The following HS3ST4 variants were observed in gnomAD, a reference collection of about 807,000 sequenced individuals.
HS3ST4 encodes the protein heparan sulfate glucosamine 3-O-sulfotransferase 4.
Under a neutral mutation model 29.2 loss-of-function variants are expected in HS3ST4, and 17 were observed. The observed-to-expected ratio is 0.58, with a 90% CI of 0.40 to 0.87. HS3ST4 has a LOEUF of 0.87. Ranked by LOEUF, HS3ST4 falls within the 40% of genes least tolerant of loss-of-function variation. The pLI, the probability that HS3ST4 is intolerant of heterozygous loss-of-function variation, is 0.00. For synonymous variants in HS3ST4, 314 were observed against 285.7 expected (o/e 1.10, Z -1.00); for missense variants, 627 against 634.5 (o/e 0.99, Z 0.13).
At chr16:25,694,396 T>G (rs1299760669) in intron 1 of HS3ST4, among the ~76,000 whole-genome samples, 2 of 152,240 alleles carry the variant, frequency 1.3e-5, no homozygotes, top group Admixed American at 1.3e-4. Context: ...CTTTAAAAGC[T>G]TGAGAGAAGT....
intron 1 of HS3ST4, among the ~76,000 whole-genome samples, chr16:26,103,106 G>A (rs1324662184): frequency 1.3e-5 from 2 of 152,026 alleles, no homozygotes; most frequent in African/African-American, 2.4e-5. Flanking sequence ...AGGGAGCCTG[G>A]GAAATATAGT....
At chr16:25,879,940 T>G (rs1355786899) in intron 1 of HS3ST4, among the ~76,000 whole-genome samples, 1 of 152,070 alleles carries the variant, frequency 6.6e-6, no homozygotes, top group Non-Finnish European at 1.5e-5. Flanking sequence ...TCAGATCTTG[T>G]GAGACTTATT....
chr16:26,113,470 ATG>A (rs55722050), intron 1 of HS3ST4, among the ~76,000 whole-genome samples: 9,979 of 131,894 alleles, frequency 0.076, 368 homozygotes, highest in Middle Eastern at 0.13. Flanking sequence ...ACAATATATG[ATG>A]TGTGTGTGTG....
rs529059214 is a variant in HS3ST4, at chr16:25,878,502, T to G, written c.734+185351T>G. ...TCTCACCTCCATTGCTCTAGAATTC[T>G]ACTTCAACTAACACAACCAAAAATG... On this transcript the variant is annotated intron_variant, in intron 1 of 1. Transcript: ENST00000331351. Among the ~76,000 whole-genome samples the G allele has an allele frequency of 2.6e-5, 4 of 152,282 alleles. No individual in the cohort carries two copies. In the South Asian group the frequency reaches 8.3e-4, roughly 32 times the overall value.
intron 1 of HS3ST4, among the ~76,000 whole-genome samples, chr16:25,904,135 GAT>G (rs1968152988): frequency 1.7e-5 from 2 of 120,040 alleles, no homozygotes; most frequent in Non-Finnish European, 3.5e-5. Context: ...TGGATGGATG[GAT>G]GGATGGATGG....
chr16:25,875,376 C>T (rs1461686767), intron 1 of HS3ST4, among the ~76,000 whole-genome samples: 1 of 152,108 alleles, frequency 6.6e-6, no homozygotes, highest in Non-Finnish European at 1.5e-5. Flanking sequence ...GCCAAACAGT[C>T]TATTCATGTC....
intron 1 of HS3ST4, among the ~76,000 whole-genome samples, chr16:25,722,216 C>T (rs117806948): frequency 6.6e-6 from 1 of 152,256 alleles, no homozygotes; most frequent in Non-Finnish European, 1.5e-5. Context: ...CCTTGTGTAC[C>T]TTACAGTGCA....
At chr16:25,730,763 T>C (rs146179509) in intron 1 of HS3ST4, among the ~76,000 whole-genome samples, 3 of 151,608 alleles carry the variant, frequency 2.0e-5, no homozygotes, top group African/African-American at 7.3e-5. Flanking sequence ...TTTTCCTCTT[T>C]TCCTCCGTTC....
chr16:25,794,631 T>A (rs1291162348), intron 1 of HS3ST4, among the ~76,000 whole-genome samples: 4 of 152,134 alleles, frequency 2.6e-5, no homozygotes. Context: ...GTTAATCTTT[T>A]TCCCCTGGAT....
chr16:26,040,032 A>G (rs531538613), intron 1 of HS3ST4, among the ~76,000 whole-genome samples: 1 of 152,352 alleles, frequency 6.6e-6, no homozygotes, highest in East Asian at 1.9e-4. Context: ...AAGAGTACAG[A>G]TTTTAATCTA....
At chr16:25,959,303 T>C (rs192595233) in intron 1 of HS3ST4, among the ~76,000 whole-genome samples, 2 of 152,324 alleles carry the variant, frequency 1.3e-5, no homozygotes, top group African/African-American at 2.4e-5. Flanking sequence ...AAAAGCCTTA[T>C]GAGTCTAATG....
intron 1 of HS3ST4, among the ~76,000 whole-genome samples, chr16:25,953,492 G>A (rs756910217): frequency 6.6e-6 from 1 of 152,132 alleles, no homozygotes; most frequent in African/African-American, 2.4e-5. Flanking sequence ...TGTAAGTTCT[G>A]CCCAATAGGG....
chr16:25,987,976 G>C (rs1022640368), intron 1 of HS3ST4, among the ~76,000 whole-genome samples: 4 of 152,046 alleles, frequency 2.6e-5, no homozygotes, highest in Admixed American at 1.3e-4. Flanking sequence ...TCACCATATT[G>C]GCCAGGCTGG....
chr16:26,058,151 C>T (rs571287739), intron 1 of HS3ST4, among the ~76,000 whole-genome samples: 3 of 152,312 alleles, frequency 2.0e-5, no homozygotes, highest in African/African-American at 7.2e-5. Context: ...AGCTATGTAA[C>T]TGTGGCTGTG....
chr16:25,853,914 A>C (rs1967546778), intron 1 of HS3ST4, among the ~76,000 whole-genome samples: 1 of 152,164 alleles, frequency 6.6e-6, no homozygotes, highest in Non-Finnish European at 1.5e-5. Flanking sequence ...TTCTTGAAAA[A>C]GTGTGAGAAG....
chr16:26,059,232 G>A (rs1404605788), intron 1 of HS3ST4, among the ~76,000 whole-genome samples: 3 of 151,862 alleles, frequency 2.0e-5, no homozygotes, highest in African/African-American at 4.8e-5. Context: ...AATGAGGTGG[G>A]GCTGTATTTG....
intron 1 of HS3ST4, among the ~76,000 whole-genome samples, chr16:25,809,076 A>T (rs1007317939): frequency 6.6e-6 from 1 of 152,050 alleles, no homozygotes; most frequent in Non-Finnish European, 1.5e-5. Flanking sequence ...CGATATCTAT[A>T]GCTTTTCTTT....
chr16:25,719,622 G>A (rs560463449), intron 1 of HS3ST4, among the ~76,000 whole-genome samples: 1 of 152,196 alleles, frequency 6.6e-6, no homozygotes, highest in Admixed American at 6.5e-5. Context: ...GTTGCAGCAT[G>A]AACTCAAGAT....
chr16:25,987,429 C>T (rs1969075678), intron 1 of HS3ST4, among the ~76,000 whole-genome samples: 1 of 152,082 alleles, frequency 6.6e-6, no homozygotes, highest in East Asian at 1.9e-4. Context: ...GTACTTTATC[C>T]TCACAGCAAC....
Sources: gnomAD v4.1 joint callset for allele counts (sites outside exome capture counted in the v4.1 genomes callset) on GRCh38, gnomAD v4.1.1 for gene constraint, MANE v1.5 for transcripts, NCBI Gene and HGNC (gene_info 2026-07-23, HGNC 2026-07-21) for gene names.